Variants in EHMT1 observed in about 807,000 individuals in gnomAD.
The protein encoded by EHMT1 is histone-lysine N-methyltransferase EHMT1.
In EHMT1, 15 loss-of-function variants were observed where a neutral mutation model predicts 147.2. The ratio of observed to expected loss-of-function variants is 0.10; its 90% confidence interval spans 0.07 to 0.16. EHMT1 has a LOEUF of 0.16. Ranked by LOEUF, EHMT1 falls within the 10% of genes least tolerant of loss-of-function variation. EHMT1 has a pLI of 1.00. For missense variants in EHMT1, 1,587 were observed against 1,772.4 expected (o/e 0.90, Z 1.88); for synonymous variants, 795 against 709.6 (o/e 1.12, Z -1.91).
At chr9:137,689,500 C>A (rs369797429) in intron 1 of EHMT1, among the ~76,000 whole-genome samples, 12 of 152,040 alleles carry the variant, frequency 7.9e-5, no homozygotes, top group Non-Finnish European at 1.6e-4. Context: ...GTCAGGAGTT[C>A]AAGACCAGCC....
intron 1 of EHMT1, among the ~76,000 whole-genome samples, chr9:137,622,906 CAAA>C (rs1180436732): frequency 1.1e-4 from 10 of 87,034 alleles, no homozygotes; most frequent in Admixed American, 1.3e-4. Flanking sequence ...AATCCTGTCT[CAAA>C]AAAAAAAAAA....
rs768149187 is a variant in EHMT1, at chr9:137,743,985, G to C, written c.1065G>C (p.Glu355Asp). 1.2e-6 allele frequency: 2 copies of C among 1,614,044 alleles called. No individual in the cohort carries two copies. The highest frequency in any genetic ancestry group is 1.7e-6 in the Non-Finnish European group (2 of 1,179,986). ...ACTCGGATGAGGACGACTCAGAGGA[G>C]CTCGAGGAGGACGACGGCCATGGTG... ...EMDSDEDDSE[E>D]LEEDDGHGAE... Residue 355 changes from glutamate (E) to aspartate (D), a missense_variant, in exon 6 of 27, where the codon GAG (glutamate) becomes GAC (aspartate). By Grantham distance (45) the Glu-to-Asp change is conservative. This residue lies in a region of EHMT1 where 810 missense variants were observed against 673.0 expected (regional missense o/e 1.20). Transcript: ENST00000460843.
chr9:137,632,709 C>A (rs1237368537), intron 1 of EHMT1, among the ~76,000 whole-genome samples: 15 of 152,084 alleles, frequency 9.9e-5, no homozygotes, highest in Non-Finnish European at 1.8e-4. Context: ...CAGCCTAGAC[C>A]ACTTTTTAGG....
chr9:137,790,745 G>A (rs749844258), intron 15 of EHMT1, 103 bp from the exon 16 acceptor site: 1 of 1,543,222 alleles, frequency 6.5e-7, no homozygotes, highest in Non-Finnish European at 9.0e-7. Context: ...CACTGAAACA[G>A]TGCAGCTCTC....
chr9:137,801,439 C>T (rs942554800), intron 18 of EHMT1, among the ~76,000 whole-genome samples: 6 of 151,958 alleles, frequency 3.9e-5, no homozygotes, highest in Non-Finnish European at 8.8e-5. Context: ...CTCATGCCTC[C>T]GCCTCCCCAG....
At chr9:137,729,572 G>A (rs1946922041) in intron 4 of EHMT1, among the ~76,000 whole-genome samples, 1 of 149,980 alleles carries the variant, frequency 6.7e-6, no homozygotes, top group African/African-American at 2.5e-5. Context: ...GGGCGACAGA[G>A]CAAGACTCCA....
chr9:137,798,156 C>T lies in EHMT1; in HGVS notation c.2506-657C>T, dbSNP rs943539976. On this transcript the variant is annotated intron_variant, in intron 16 of 26. Coordinates refer to ENST00000460843, the MANE Select transcript of EHMT1 (RefSeq NM_024757.5). ...GTAATCCCAGTTACGATGCCTACGA[C>T]TCCCAGACCAAAGTGGGAGGATTGC... is the stretch of plus-strand genomic sequence containing the variant. 3.3e-5 allele frequency among the ~76,000 whole-genome samples: 5 copies of T among 152,324 alleles called. No individual in the cohort carries two copies. The East Asian group carries it at 9.6e-4, about 29-fold the overall frequency.
At chr9:137,696,966 A>T (rs916679657) in intron 1 of EHMT1, among the ~76,000 whole-genome samples, 2 of 152,186 alleles carry the variant, frequency 1.3e-5, no homozygotes, top group African/African-American at 4.8e-5. Flanking sequence ...CCCAGAGCAG[A>T]CCACAGAGCT....
intron 1 of EHMT1, among the ~76,000 whole-genome samples, chr9:137,665,358 T>C (rs1939519265): frequency 6.6e-6 from 1 of 152,122 alleles, no homozygotes; most frequent in South Asian, 2.1e-4. Flanking sequence ...AGCCTGAGTG[T>C]GGGGAGACTG....
chr9:137,737,932 G>A (rs1363129206), intron 4 of EHMT1, among the ~76,000 whole-genome samples: 1 of 152,190 alleles, frequency 6.6e-6, no homozygotes, highest in African/African-American at 2.4e-5. Flanking sequence ...AGTGGCTTGC[G>A]CCTGTAATCT....
chr9:137,815,795 T>G, intron 22 of EHMT1, 152 bp from the exon 23 acceptor site: 2 of 714,322 alleles, frequency 2.8e-6, no homozygotes, highest in Non-Finnish European at 5.0e-6. Flanking sequence ...ACACATGGAG[T>G]TTTTCCCTAG....
At chr9:137,797,271 C>G (rs1953039459) in intron 16 of EHMT1, among the ~76,000 whole-genome samples, 1 of 152,086 alleles carries the variant, frequency 6.6e-6, no homozygotes, top group African/African-American at 2.4e-5. Context: ...ACCTGCAGCC[C>G]CGCTCTTTGC....
intron 1 of EHMT1, among the ~76,000 whole-genome samples, chr9:137,627,202 A>AC (rs1187114700): frequency 3.0e-5 from 4 of 133,286 alleles, no homozygotes; most frequent in South Asian, 2.4e-4. Flanking sequence ...CAGGTGACCC[A>AC]CCCCCCTTGC....
intron 16 of EHMT1, among the ~76,000 whole-genome samples, chr9:137,797,485 C>T (rs949865451): frequency 1.2e-4 from 19 of 152,178 alleles, no homozygotes; most frequent in African/African-American, 4.1e-4. Flanking sequence ...CTGCCAGGTG[C>T]ACCTGCTTCT....
intron 25 of EHMT1, among the ~76,000 whole-genome samples, chr9:137,820,361 G>A (rs1292571932): frequency 6.6e-6 from 1 of 152,228 alleles, no homozygotes; most frequent in Non-Finnish European, 1.5e-5. Flanking sequence ...GCTGTGGAAC[G>A]ACTCGCCTTC....
At chr9:137,736,507 G>C (rs577588826) in intron 4 of EHMT1, among the ~76,000 whole-genome samples, 1 of 152,370 alleles carries the variant, frequency 6.6e-6, no homozygotes, top group South Asian at 2.1e-4. Flanking sequence ...CCCAACAGCA[G>C]CATGTACACT....
intron 1 of EHMT1, among the ~76,000 whole-genome samples, chr9:137,696,110 A>G (rs116330435): frequency 0.014 from 2,130 of 152,292 alleles, 37 homozygotes; most frequent in South Asian, 0.039. Flanking sequence ...CAAATTTAGG[A>G]ACCAACTCTC....
Position 137,815,972 on chromosome 9 carries a change from A to G in EHMT1, c.3284A>G (p.Asn1095Ser). 1.2e-6 allele frequency: 2 copies of G among 1,610,772 alleles called. No homozygotes were observed. Among genetic ancestry groups the G allele is most frequent in the Non-Finnish European group, 1.7e-6 (2 of 1,178,532 alleles). The stretch of plus-strand genomic sequence containing the variant: ...GATGGCCGGCTCCTGCCAGAGTTCA[A>G]CATGGCGGAGCCTCCCTTGATCTTC... Reference protein sequence around the residue: ...DKDGRLLPEFNMAEPPLIFEC... With the variant: ...DKDGRLLPEFSMAEPPLIFEC... Residue 1095 changes from asparagine to serine, a missense_variant, in exon 23 of 27, where the codon AAC becomes AGC. Transcript: ENST00000460843.
intron 3 of EHMT1, among the ~76,000 whole-genome samples, chr9:137,718,015 C>G (rs1280970453): frequency 6.6e-6 from 1 of 152,060 alleles, no homozygotes; most frequent in Non-Finnish European, 1.5e-5. Flanking sequence ...GCGCGCCCAC[C>G]CCTCGCATGC....
Sources: allele counts gnomAD v4.1 joint callset (sites outside exome capture counted in the v4.1 genomes callset), GRCh38; gene constraint gnomAD v4.1.1; regional missense constraint gnomAD v4.1.1; transcripts MANE v1.5; gene names NCBI Gene and HGNC (gene_info 2026-07-23, HGNC 2026-07-21).